Variants in HEATR5A observed in about 807,000 individuals in gnomAD.
HEATR5A encodes HEAT repeat-containing protein 5A.
HEATR5A carries 178 observed loss-of-function variants against 218.8 expected under a neutral mutation model. That is an observed-to-expected ratio of 0.81 (90% CI 0.72 to 0.92). The LOEUF is 0.92. HEATR5A is among the 40% of genes least tolerant of loss of function. HEATR5A has a pLI of 0.00. For synonymous variants in HEATR5A, 864 were observed against 871.6 expected, an observed-to-expected ratio of 0.99 and a Z score of 0.15; for missense variants, 2,420 against 2,418.9, an observed-to-expected ratio of 1.00 and a Z score of -0.01.
intron 30 of HEATR5A, 64 bp from the exon 31 acceptor site, chr14:31,306,943 C>G: frequency 7.6e-7 from 1 of 1,310,290 alleles, no homozygotes; most frequent in Non-Finnish European, 1.0e-6. Flanking sequence ...GTAAAAAATA[C>G]CAATGCTAAA....
chr14:31,373,543 C>T (rs570937643), intron 12 of HEATR5A, among the ~76,000 whole-genome samples: 1 of 152,230 alleles, frequency 6.6e-6, no homozygotes, highest in South Asian at 2.1e-4. Flanking sequence ...GTTGTCTGGG[C>T]TGGTCTCAAA....
At chr14:31,351,779 ATTTTTTT>A (rs753608304) in intron 16 of HEATR5A, among the ~76,000 whole-genome samples, 1 of 143,214 alleles carries the variant, frequency 7.0e-6, no homozygotes, top group Non-Finnish European at 1.5e-5. Flanking sequence ...CACCCTGCTA[ATTTTTTT>A]TTTTTTTTAA....
At chr14:31,355,305 C>T (rs1208061434) in intron 16 of HEATR5A, among the ~76,000 whole-genome samples, 7 of 151,732 alleles carry the variant, frequency 4.6e-5, no homozygotes, top group African/African-American at 1.5e-4. Flanking sequence ...CCCAGCTACT[C>T]GGGAGGCCGA....
chr14:31,369,628 A>AAC (rs1566771334), intron 13 of HEATR5A, among the ~76,000 whole-genome samples: 1 of 148,068 alleles, frequency 6.8e-6, no homozygotes, highest in Non-Finnish European at 1.5e-5. Context: ...AAAAAAAAAA[A>AAC]AAAAAAAACC....
intron 1 of HEATR5A, among the ~76,000 whole-genome samples, chr14:31,410,632 GGT>G (rs977220800): frequency 6.6e-6 from 1 of 152,096 alleles, no homozygotes; most frequent in African/African-American, 2.4e-5. Flanking sequence ...ACACTTAACT[GGT>G]ACACTTTATT....
intron 21 of HEATR5A, 106 bp from the exon 22 acceptor site, chr14:31,337,720 G>GA: frequency 5.0e-5 from 44 of 871,512 alleles, no homozygotes; most frequent in Non-Finnish European, 7.1e-5. Flanking sequence ...CAGCCCATCA[G>GA]TGGGCTGGAC....
chr14:31,358,631 A>G lies in HEATR5A; in HGVS notation c.2411+6T>C. 2 of 1,611,608 alleles carry G rather than the reference A, an allele frequency of 1.2e-6. No homozygotes were observed. The highest frequency in any genetic ancestry group is 1.7e-6 in the Non-Finnish European group (2 of 1,178,778). ...ATCCATTCACTGAACCATTGAAGATATTTACCTTTGAGTTTCTCCCACATG... is the reference window on the plus strand; with the variant it reads ...ATCCATTCACTGAACCATTGAAGATGTTTACCTTTGAGTTTCTCCCACATG... On this transcript the variant is annotated splice_donor_region_variant and intron_variant, in intron 16 of 35. Transcript: ENST00000543095.
intron 33 of HEATR5A, among the ~76,000 whole-genome samples, chr14:31,301,977 T>C (rs8016369): frequency 0.99 from 150,270 of 151,638 alleles, 74,467 homozygotes; most frequent in East Asian, 1. Flanking sequence ...GGATTATAGG[T>C]ATGTGCCACC....
intron 18 of HEATR5A, among the ~76,000 whole-genome samples, chr14:31,349,402 A>G (rs1901136029): frequency 6.6e-6 from 1 of 152,026 alleles, no homozygotes; most frequent in Non-Finnish European, 1.5e-5. Context: ...AAAAGACATG[A>G]AAGTACCGTT....
At chr14:31,338,569 T>C (rs1396523743) in intron 21 of HEATR5A, among the ~76,000 whole-genome samples, 1 of 152,208 alleles carries the variant, frequency 6.6e-6, no homozygotes, top group Non-Finnish European at 1.5e-5. Context: ...TGATTTCATA[T>C]ATGAAATAAA....
Position 31,374,939 on chromosome 14 carries a change from G to A in HEATR5A, c.1738C>T (p.Arg580Ter), listed in dbSNP as rs766544750. The A allele has an allele frequency of 1.9e-5, 31 of 1,610,854 alleles. No individual in the cohort carries two copies. The highest frequency in any genetic ancestry group is 2.5e-5 in the Non-Finnish European group (30 of 1,178,532). ...GPAVVSHHLA[R>*]VLLLWKCVFP... is the part of the protein sequence containing the mutation. ...ACACACTTCCACAACAGCAGAACTC[G>A]AGCAAGGTGATGGCTAACAACTGCA... The change falls in exon 12 of 36, where the codon CGA becomes TGA. Residue 580 changes from arginine (R) to a stop codon, truncating the protein, a stop_gained. Transcript: ENST00000543095. LOFTEE classifies it high-confidence loss of function.
At chr14:31,409,555 C>G (rs2031203751) in intron 1 of HEATR5A, among the ~76,000 whole-genome samples, 1 of 152,058 alleles carries the variant, frequency 6.6e-6, no homozygotes. Context: ...CAAAAGTTAG[C>G]TGGGTGTGGT....
intron 13 of HEATR5A, among the ~76,000 whole-genome samples, chr14:31,365,174 GGAC>G (rs1901758294): frequency 6.6e-6 from 1 of 151,640 alleles, no homozygotes; most frequent in Admixed American, 6.6e-5. Context: ...CACCCGGCCA[GGAC>G]TACTACTTTT....
intron 21 of HEATR5A, among the ~76,000 whole-genome samples, chr14:31,342,886 G>A (rs978243160): frequency 6.6e-6 from 1 of 152,186 alleles, no homozygotes; most frequent in Non-Finnish European, 1.5e-5. Context: ...GTTCTTTCAA[G>A]CTCTGAAATG....
intron 20 of HEATR5A, 89 bp downstream of exon 20, chr14:31,344,998 T>A (rs1468845150): frequency 5.7e-6 from 6 of 1,049,520 alleles, no homozygotes; most frequent in Non-Finnish European, 8.4e-6. Flanking sequence ...ACAGCACCTA[T>A]CACGTGCCAA....
rs1451865988 is a variant in HEATR5A at position 31,318,257 on chromosome 14, C to A, written c.4005G>T (p.Glu1335Asp). 6.2e-7 allele frequency: 1 copy of A among 1,613,808 alleles called. No homozygotes were observed. Among genetic ancestry groups the A allele is most frequent in the Non-Finnish European group, 8.5e-7 (1 of 1,179,826 alleles). The change falls in exon 26 of 36, where the codon GAG becomes GAT. Residue 1335 changes from glutamate (E) to aspartate (D), a missense_variant. Glu to Asp is a conservative substitution (Grantham distance 45). Transcript: ENST00000543095. ...CTTTGGCAGTGACATCAGGTGGTGTCTCTGAAGTGAAGGCTGGTCTAAGCG... is the reference window on the plus strand; with the variant it reads ...CTTTGGCAGTGACATCAGGTGGTGTATCTGAAGTGAAGGCTGGTCTAAGCG... ...GAALRPAFTSETPPDVTAKAC... is the reference protein window; with the variant it reads ...GAALRPAFTSDTPPDVTAKAC...
chr14:31,293,952 C>T lies in HEATR5A; in HGVS notation c.5772G>A (p.Glu1924=). 6.2e-7 allele frequency: 1 copy of T among 1,608,314 alleles called. No individual in the cohort carries two copies. Among genetic ancestry groups the T allele is most frequent in the Non-Finnish European group, 8.5e-7 (1 of 1,177,194 alleles). Residue 1924 remains glutamate (E), a synonymous_variant, in exon 35 of 36, where the codon GAG becomes GAA. Transcript: ENST00000543095. ...AGACCTTTATGCCTTCTTGGAAGAT[C>T]TCAAGCTCAGCAGTGTTTTCAGGTT... ...KRKPENTAEL[E]IFQEGIKVLE... is the part of the protein sequence containing the mutation.
chr14:31,348,151 T>C (rs965985456), intron 18 of HEATR5A, among the ~76,000 whole-genome samples: 2 of 152,242 alleles, frequency 1.3e-5, no homozygotes, highest in Non-Finnish European at 2.9e-5. Flanking sequence ...GCAGTTTCAA[T>C]GTCTTTCATA....
intron 10 of HEATR5A, 117 bp downstream of exon 10, chr14:31,383,404 T>C (rs2030076164): frequency 3.3e-6 from 3 of 923,024 alleles, no homozygotes; most frequent in Non-Finnish European, 1.6e-6. Context: ...AATGTACTTA[T>C]ATGGCAGGGC....
Sources: gnomAD v4.1 joint callset for allele counts (sites outside exome capture counted in the v4.1 genomes callset) on GRCh38, gnomAD v4.1.1 for gene constraint, MANE v1.5 for transcripts, NCBI Gene and HGNC (gene_info 2026-07-23, HGNC 2026-07-21) for gene names.